The following RAB3GAP1 variants were observed in gnomAD, a reference collection of about 807,000 sequenced individuals.
RAB3GAP1 encodes rab3 GTPase-activating protein catalytic subunit.
In RAB3GAP1, 86 loss-of-function variants were observed where a neutral mutation model predicts 130.7. That is an observed-to-expected ratio of 0.66 (90% CI 0.55 to 0.79). The LOEUF is 0.79. Among genes scored for constraint, RAB3GAP1 ranks in the 30% least tolerant of loss-of-function variants. The pLI is 0.00. For synonymous variants in RAB3GAP1, 367 were observed against 401.7 expected (o/e 0.91, Z 1.03); for missense variants, 1,029 against 1,169.4 (o/e 0.88, Z 1.75).
intron 5 of RAB3GAP1, among the ~76,000 whole-genome samples, chr2:135,101,196 T>C (rs1211318918): frequency 6.6e-6 from 1 of 152,220 alleles, no homozygotes; most frequent in East Asian, 1.9e-4. Flanking sequence ...TTCTGTTTTA[T>C]TCATATAATT....
rs142545031 is a variant in RAB3GAP1 at position 135,117,741 on chromosome 2, T to G, written c.648+2360T>G. Among the ~76,000 whole-genome samples the G allele has an allele frequency of 6.4e-3, 407 of 63,260 alleles. 1 individual carries two copies. Among genetic ancestry groups the G allele is most frequent in the African/African-American group, 0.02 (371 of 18,516 alleles). The allele number at this position is 63,260 out of a possible 152,430, so 41.5% of individuals were successfully genotyped here. ...TTCTTCTGCTTCTTCTTCTTCTGCT[T>G]CTTCTTCTGCTTCTGCTTCTTCTGC... On this transcript the variant is annotated intron_variant, in intron 7 of 23. Coordinates refer to ENST00000264158, the MANE Select transcript of RAB3GAP1 (RefSeq NM_012233.3).
intron 11 of RAB3GAP1, among the ~76,000 whole-genome samples, chr2:135,127,326 CTGTTT>C (rs967702676): frequency 6.0e-5 from 9 of 149,380 alleles, no homozygotes; most frequent in South Asian, 2.2e-4. Flanking sequence ...CTGAAGAGCA[CTGTTT>C]TGTTTGTTTG....
chr2:135,126,187 C>T lies in RAB3GAP1; in HGVS notation c.837C>T (p.Leu279=). 1 of 1,611,232 alleles carries T rather than the reference C, an allele frequency of 6.2e-7. No individual in the cohort carries two copies. Among genetic ancestry groups the T allele is most frequent in the Non-Finnish European group, 8.5e-7 (1 of 1,177,770 alleles). ...TATATTTTATGTTTTTTAGTGAACT[C>T]CATTTAGCTACTACATGGCCTCATC... ...FGACEDPISE[L]HLATTWPHLT... Residue 279 remains leucine (L), a synonymous_variant, in exon 10 of 24, where the codon CTC becomes CTT. Coordinates refer to ENST00000264158, the MANE Select transcript of RAB3GAP1 (RefSeq NM_012233.3).
intron 2 of RAB3GAP1, among the ~76,000 whole-genome samples, chr2:135,055,213 A>G (rs1360053598): frequency 6.6e-6 from 1 of 152,210 alleles, no homozygotes; most frequent in Non-Finnish European, 1.5e-5. Flanking sequence ...AAGAGCCTAT[A>G]ACAGAGGGAC....
intron 3 of RAB3GAP1, 117 bp downstream of exon 3, chr2:135,058,203 T>TA: frequency 1.2e-6 from 1 of 827,682 alleles, no homozygotes; most frequent in Middle Eastern, 2.2e-4. Flanking sequence ...ACGTATAATC[T>TA]ATAAACATCA....
At position 135,075,951 on chromosome 2, in the gene RAB3GAP1, G is replaced by T. The variant is rs57163949; in HGVS notation, c.151-15047G>T. Among the ~76,000 whole-genome samples, 14 of 139,584 alleles carry T rather than the reference G, an allele frequency of 1.0e-4. No homozygotes were observed. The East Asian group carries it at 2.9e-3, about 29-fold the overall frequency. The allele number at this position is 139,584 out of a possible 152,430, so 91.6% of individuals were successfully genotyped here. A position where few individuals can be genotyped will look rare whatever the true frequency, so the allele number is the denominator to read the frequency against. ...TTTTGAGACGGGGTCTCACTCTGTCGCCAGGCTGTAGTGCAGTGGTGCAAT... is the reference window on the plus strand; with the variant it reads ...TTTTGAGACGGGGTCTCACTCTGTCTCCAGGCTGTAGTGCAGTGGTGCAAT... On this transcript the variant is annotated intron_variant, in intron 3 of 23. Transcript: ENST00000264158.
At chr2:135,068,422 C>A (rs1241074501) in intron 3 of RAB3GAP1, among the ~76,000 whole-genome samples, 1 of 151,306 alleles carries the variant, frequency 6.6e-6, no homozygotes, top group African/African-American at 2.4e-5. Flanking sequence ...AAGGTATATG[C>A]CACTAAAGGA....
intron 5 of RAB3GAP1, among the ~76,000 whole-genome samples, chr2:135,109,415 C>A (rs1690727222): frequency 6.6e-6 from 1 of 151,902 alleles, no homozygotes; most frequent in South Asian, 2.1e-4. Flanking sequence ...TAGATTTTTA[C>A]AATTAAATTA....
At chr2:135,151,345 C>T (rs746865771) in intron 18 of RAB3GAP1, among the ~76,000 whole-genome samples, 15 of 152,162 alleles carry the variant, frequency 9.9e-5, no homozygotes, top group Non-Finnish European at 2.2e-4. Flanking sequence ...AATCCATATC[C>T]CCTACTCAGT....
At chr2:135,133,800 A>AG (rs1377444245) in intron 14 of RAB3GAP1, 61 bp from the exon 15 acceptor site, 2 of 1,456,228 alleles carry the variant, frequency 1.4e-6, no homozygotes, top group African/African-American at 2.8e-5. Context: ...CGACCTTTTC[A>AG]GTTATATGTG....
At chr2:135,166,185 A>T (rs894530092) in intron 23 of RAB3GAP1, among the ~76,000 whole-genome samples, 4 of 151,852 alleles carry the variant, frequency 2.6e-5, no homozygotes, top group Non-Finnish European at 2.9e-5. Context: ...AAAAAAAGTT[A>T]TGTGTTAAGA....
chr2:135,172,951 T>G (rs1692898515), downstream of RAB3GAP1, among the ~76,000 whole-genome samples: 1 of 152,056 alleles, frequency 6.6e-6, no homozygotes, highest in Admixed American at 6.5e-5. Context: ...TCTATTTTGG[T>G]TCGTAAAGAG....
chr2:135,108,382 A>G (rs1690693344), intron 5 of RAB3GAP1, among the ~76,000 whole-genome samples: 2 of 152,132 alleles, frequency 1.3e-5, no homozygotes, highest in Non-Finnish European at 2.9e-5. Context: ...AACTCACCCT[A>G]GTAGGTATGT....
In RAB3GAP1 at chr2:135,117,450, TCTTCTG is replaced by T. The variant is rs1189047743; in HGVS notation, c.648+2093_648+2098del. ...TTCTTCTTCTTCTTCTTCTTCTTCT[TCTTCTG>T]CTTCTGCTTCTGCTTCTGCTTCTTC... On this transcript the variant is annotated intron_variant, in intron 7 of 23. Coordinates refer to ENST00000264158, the MANE Select transcript of RAB3GAP1 (RefSeq NM_012233.3). 5.1e-3 allele frequency among the ~76,000 whole-genome samples: 453 copies of T among 88,178 alleles called. 6 individuals are homozygous for T. The highest frequency in any genetic ancestry group is 0.012 in the African/African-American group (277 of 23,936). The allele number at this position is 88,178 out of a possible 152,430, so 57.8% of individuals were successfully genotyped here.
intron 3 of RAB3GAP1, among the ~76,000 whole-genome samples, chr2:135,074,682 G>C (rs997913776): frequency 6.6e-6 from 1 of 152,178 alleles, no homozygotes; most frequent in Non-Finnish European, 1.5e-5. Flanking sequence ...TGTTGCAGGT[G>C]CCACTGGTTG....
intron 5 of RAB3GAP1, among the ~76,000 whole-genome samples, chr2:135,101,430 C>T (rs977425075): frequency 1.3e-5 from 2 of 152,098 alleles, no homozygotes; most frequent in Non-Finnish European, 2.9e-5. Flanking sequence ...CATAAATATA[C>T]AATTAGTATA....
intron 23 of RAB3GAP1, among the ~76,000 whole-genome samples, chr2:135,168,049 A>G (rs138956364): frequency 6.6e-6 from 1 of 152,360 alleles, no homozygotes; most frequent in African/African-American, 2.4e-5. Context: ...TCGGCATCAC[A>G]TTAGCTGCCC....
intron 3 of RAB3GAP1, among the ~76,000 whole-genome samples, chr2:135,082,161 G>GAATGAATA (rs138937070): frequency 1.5e-4 from 22 of 150,366 alleles, no homozygotes; most frequent in African/African-American, 4.5e-4. Flanking sequence ...ATGAATGAAT[G>GAATGAATA]AATAAATAAA....
At position 135,052,306 on chromosome 2, in the gene RAB3GAP1, A is replaced by G. The variant is rs538583659; in HGVS notation, c.-2A>G. 1.9e-6 allele frequency: 3 copies of G among 1,613,714 alleles called. No individual in the cohort carries two copies. The highest frequency in any genetic ancestry group is 2.7e-5 in the African/African-American group (2 of 75,038). ...TTAGCGCCAGGCCCGGCGCTCCTCA[A>G]GATGGCTGCCGACAGTGAGGTGATT... is the stretch of plus-strand genomic sequence containing the variant. On this transcript the variant is annotated 5_prime_UTR_variant, in exon 1 of 24. Coordinates refer to ENST00000264158, the MANE Select transcript of RAB3GAP1 (RefSeq NM_012233.3).
Sources: gnomAD v4.1 joint callset for allele counts (sites outside exome capture counted in the v4.1 genomes callset) on GRCh38, gnomAD v4.1.1 for gene constraint, MANE v1.5 for transcripts, NCBI Gene and HGNC (gene_info 2026-07-23, HGNC 2026-07-21) for gene names.